Variants in ACTG2 observed in about 807,000 individuals in gnomAD.
The protein encoded by ACTG2 is actin, gamma-enteric smooth muscle.
ACTG2 carries 16 observed loss-of-function variants against 37.6 expected under a neutral mutation model. That is an observed-to-expected ratio of 0.43 (90% CI 0.29 to 0.65). ACTG2 has a LOEUF of 0.65. ACTG2 is among the 30% of genes least tolerant of loss of function. ACTG2 has a pLI of 0.18. For synonymous variants in ACTG2, 181 were observed against 179.9 expected, an observed-to-expected ratio of 1.01 and a Z score of -0.05; for missense variants, 238 against 490.9, an observed-to-expected ratio of 0.48 and a Z score of 4.87.
Position 73,919,558 on chromosome 2 carries a change from CACAGGAAGTGCTTCTAAAGTCAGA to C in ACTG2, c.1120_*12del. On this transcript the variant is annotated stop_lost and 3_prime_UTR_variant, in exon 9 of 9. Coordinates refer to ENST00000345517, the MANE Select transcript of ACTG2 (RefSeq NM_001615.4). ...TGATGAGGCAGGGCCCTCCATTGTC[CACAGGAAGTGCTTCTAAAGTCAGA>C]ACAGGTTCTCCAAGGATCCCCTCGA... The C allele has an allele frequency of 6.2e-7, 1 of 1,614,046 alleles. No homozygotes were observed. Among genetic ancestry groups the C allele is most frequent in the Non-Finnish European group, 8.5e-7 (1 of 1,179,982 alleles).
At position 73,901,456 on chromosome 2, in the gene ACTG2, A is replaced by G. The variant is rs763390017; in HGVS notation, c.126+19A>G. On this transcript the variant is annotated intron_variant, in intron 2 of 8. Coordinates refer to ENST00000345517, the MANE Select transcript of ACTG2 (RefSeq NM_001615.4). ...CCACCAGGTGCGTGCTCATCTGGAT[A>G]CCACCAGGCTTTGAGCCACTAGGAG... 6.2e-7 allele frequency: 1 copy of G among 1,613,254 alleles called. No individual in the cohort carries two copies. The highest frequency in any genetic ancestry group is 8.5e-7 in the Non-Finnish European group (1 of 1,179,646).
At chr2:73,904,241 C>G (rs1573464727) in intron 3 of ACTG2, among the ~76,000 whole-genome samples, 1 of 72,800 alleles carries the variant, frequency 1.4e-5, no homozygotes, top group African/African-American at 5.5e-5. Context: ...AGAGTGAGAC[C>G]ATGTCTCAAA....
At chr2:73,909,412 T>C (rs1163352357) in intron 5 of ACTG2, among the ~76,000 whole-genome samples, 1 of 152,170 alleles carries the variant, frequency 6.6e-6, no homozygotes, top group Non-Finnish European at 1.5e-5. Flanking sequence ...TACTGGAATG[T>C]TTCTGCTTCA....
intron 3 of ACTG2, among the ~76,000 whole-genome samples, chr2:73,905,234 G>A (rs1679992519): frequency 6.6e-6 from 1 of 151,936 alleles, no homozygotes; most frequent in Admixed American, 6.6e-5. Flanking sequence ...AAAGTTAAAT[G>A]TAAACATTTA....
intron 3 of ACTG2, among the ~76,000 whole-genome samples, chr2:73,904,771 GTGTGTGTATATATATATATA>G (rs1213024088): frequency 0.036 from 714 of 20,048 alleles, 6 homozygotes; most frequent in African/African-American, 0.087. Flanking sequence ...GTGTGTGTGT[GTGTGTGTATATATATATATA>G]TATATATATA....
chr2:73,899,971 T>C (rs1679842260), intron 1 of ACTG2, among the ~76,000 whole-genome samples: 1 of 152,214 alleles, frequency 6.6e-6, no homozygotes, highest in South Asian at 2.1e-4. Context: ...GCTCAGCATC[T>C]ACCTAGCCTT....
chr2:73,904,777 G>GTGTATGTATATATATA (rs1427483105), intron 3 of ACTG2, among the ~76,000 whole-genome samples: 1 of 42,608 alleles, frequency 2.3e-5, no homozygotes, highest in African/African-American at 7.8e-5. Context: ...GTGTGTGTGT[G>GTGTATGTATATATATA]TATATATATA....
At position 73,914,722 on chromosome 2, in the gene ACTG2, A is replaced by T. The variant is rs747183647; in HGVS notation, c.656A>T (p.Tyr219Phe). ...CGAGACATCAAGGAGAAGCTGTGCT[A>T]TGTGGCCCTGGATTTTGAGAATGAG... Reference protein sequence around the residue: ...IVRDIKEKLCYVALDFENEMA... With the variant: ...IVRDIKEKLCFVALDFENEMA... The change falls in exon 7 of 9, where the codon TAT (tyrosine) becomes TTT (phenylalanine). Residue 219 changes from tyrosine (Y) to phenylalanine (F), a missense_variant. Physicochemically the swap from Tyr to Phe is conservative, Grantham distance 22 (BLOSUM62 3). Transcript: ENST00000345517. 1 of 1,610,144 alleles carries T rather than the reference A, an allele frequency of 6.2e-7. No homozygotes were observed. Among genetic ancestry groups the T allele is most frequent in the East Asian group, 2.2e-5 (1 of 44,626 alleles).
intron 4 of ACTG2, 121 bp downstream of exon 4, chr2:73,908,904 G>C: frequency 8.3e-7 from 1 of 1,197,660 alleles, no homozygotes; most frequent in South Asian, 1.3e-5. Flanking sequence ...TATGTCTGTG[G>C]TCCATGCCAG....
rs139460385 is a variant in ACTG2 at position 73,899,479 on chromosome 2, A to G, written c.-36-1797A>G. 4.6e-3 allele frequency among the ~76,000 whole-genome samples: 707 copies of G among 152,084 alleles called. 9 individuals carry two copies. The highest frequency in any genetic ancestry group is 0.016 in the African/African-American group (676 of 41,472). ...CCCATCTCAAAAAATATATATATAT[A>G]TATCTTCTGATTCAGCTCATTTTCT... On this transcript the variant is annotated intron_variant, in intron 1 of 8. Coordinates refer to ENST00000345517, the MANE Select transcript of ACTG2 (RefSeq NM_001615.4).
At chr2:73,900,797 T>C (rs1679856315) in intron 1 of ACTG2, among the ~76,000 whole-genome samples, 1 of 152,172 alleles carries the variant, frequency 6.6e-6, no homozygotes, top group Non-Finnish European at 1.5e-5. Flanking sequence ...CTCCCAGAGG[T>C]AATCATGATA....
intron 1 of ACTG2, among the ~76,000 whole-genome samples, chr2:73,897,798 AAG>A (rs1156784290): frequency 1.3e-5 from 2 of 152,204 alleles, no homozygotes; most frequent in African/African-American, 2.4e-5. Context: ...GTCTGCTTCC[AAG>A]GTGGCACCTT....
At chr2:73,917,854 T>C (rs1680301658) in intron 8 of ACTG2, among the ~76,000 whole-genome samples, 1 of 152,046 alleles carries the variant, frequency 6.6e-6, no homozygotes, top group Admixed American at 6.5e-5. Flanking sequence ...TGGAGAGCTG[T>C]GCCAGGCCTG....
intron 8 of ACTG2, among the ~76,000 whole-genome samples, chr2:73,918,075 A>G (rs1198971280): frequency 6.6e-6 from 1 of 152,238 alleles, no homozygotes; most frequent in Non-Finnish European, 1.5e-5. Context: ...ATTAGTAAAC[A>G]TTATCAATAC....
chr2:73,897,837 A>G (rs831542), intron 1 of ACTG2, among the ~76,000 whole-genome samples: 124,200 of 152,154 alleles, frequency 0.82, 50,963 homozygotes, highest in African/African-American at 0.87. Context: ...ATGGCAGAAG[A>G]GCAAGAGAGA....
At chr2:73,903,969 A>AC (rs1263169048) in intron 3 of ACTG2, among the ~76,000 whole-genome samples, 5 of 150,078 alleles carry the variant, frequency 3.3e-5, no homozygotes, top group Non-Finnish European at 7.4e-5. Context: ...ACAAAAAAAA[A>AC]ACCACATAAT....
At chr2:73,900,101 T>A (rs1300917228) in intron 1 of ACTG2, among the ~76,000 whole-genome samples, 1 of 152,080 alleles carries the variant, frequency 6.6e-6, no homozygotes, top group Non-Finnish European at 1.5e-5. Flanking sequence ...GAAGTTCCCC[T>A]CTCCCCGCTC....
At chr2:73,908,090 C>T (rs763902816) in intron 3 of ACTG2, among the ~76,000 whole-genome samples, 1 of 152,130 alleles carries the variant, frequency 6.6e-6, no homozygotes, top group South Asian at 2.1e-4. Flanking sequence ...AAAGGGATGT[C>T]GAGGCACCCA....
At chr2:73,917,548 A>G (rs1281895908) in intron 8 of ACTG2, among the ~76,000 whole-genome samples, 1 of 152,258 alleles carries the variant, frequency 6.6e-6, no homozygotes, top group Non-Finnish European at 1.5e-5. Flanking sequence ...CCTTCTAGGA[A>G]CTTTGCTGCT....
Sources: allele counts gnomAD v4.1 joint callset (sites outside exome capture counted in the v4.1 genomes callset), GRCh38; gene constraint gnomAD v4.1.1; transcripts MANE v1.5; gene names NCBI Gene and HGNC (gene_info 2026-07-23, HGNC 2026-07-21).